The following VEPH1 variants were observed in gnomAD, a reference collection of about 807,000 sequenced individuals.
VEPH1 encodes the protein ventricular zone-expressed PH domain-containing protein homolog 1.
A neutral mutation model predicts 85.2 loss-of-function variants in VEPH1; 80 were observed. The observed-to-expected ratio is 0.94, with a 90% CI of 0.78 to 1.13. The LOEUF is 1.13. VEPH1 is among the 50% of genes most tolerant of loss of function. The pLI, the probability that VEPH1 is intolerant of heterozygous loss-of-function variation, is 0.00. For synonymous variants in VEPH1, 297 were observed against 348.0 expected (o/e 0.85, Z 1.63); for missense variants, 955 against 980.5 (o/e 0.97, Z 0.35).
At chr3:157,437,543 C>T in intron 4 of VEPH1, 1 of 1,605,720 alleles carries the variant, frequency 6.2e-7, no homozygotes, top group Non-Finnish European at 8.5e-7. Context: ...CAGGAGCACT[C>T]GGAATGGGAC....
At chr3:157,376,557 A>C (rs1328264687) in intron 7 of VEPH1, among the ~76,000 whole-genome samples, 1 of 152,252 alleles carries the variant, frequency 6.6e-6, no homozygotes, top group Non-Finnish European at 1.5e-5. Flanking sequence ...TAATTTAAAA[A>C]ATATAAATGC....
chr3:157,272,375 TTTTCTTTCTTTCTTTCTTTC>T (rs758495924), intron 12 of VEPH1, among the ~76,000 whole-genome samples: 117 of 95,030 alleles, frequency 1.2e-3, no homozygotes, highest in Middle Eastern at 9.5e-3. Context: ...TTTCTCTTTC[TTTTCTTTCTTTCTTTCTTTC>T]TTTCTTTCTT....
chr3:157,405,359 C>A (rs576823903), intron 6 of VEPH1, among the ~76,000 whole-genome samples: 1 of 152,248 alleles, frequency 6.6e-6, no homozygotes, highest in African/African-American at 2.4e-5. Flanking sequence ...TGTCCTTTCG[C>A]CAGCTCTTTA....
intron 11 of VEPH1, among the ~76,000 whole-genome samples, chr3:157,310,779 A>C (rs1306993508): frequency 6.6e-6 from 1 of 151,952 alleles, no homozygotes; most frequent in Non-Finnish European, 1.5e-5. Flanking sequence ...ATTGCAGAGA[A>C]TAGTACACTG....
rs113618865 is a variant in VEPH1 at position 157,260,475 on chromosome 3, A to C, written c.*659T>G. 7 of 152,188 alleles carry C rather than the reference A, an allele frequency of 4.6e-5. No individual in the cohort carries two copies. Among genetic ancestry groups the C allele is most frequent in the African/African-American group, 1.4e-4 (6 of 41,454 alleles). 9.4% of individuals were successfully genotyped at this position (152,188 alleles called of 1,614,324 possible). On this transcript the variant is annotated 3_prime_UTR_variant, in exon 14 of 14. Coordinates refer to ENST00000362010, the MANE Select transcript of VEPH1 (RefSeq NM_001167912.2). Reference sequence around the variant, plus strand: ...GTGCCTTGGGCAGGATATATGTCCAAGTATCTAAACTGTAGATTATATTAT... The same window carrying C: ...GTGCCTTGGGCAGGATATATGTCCACGTATCTAAACTGTAGATTATATTAT...
chr3:157,375,673 C>A (rs1728010912), intron 7 of VEPH1, among the ~76,000 whole-genome samples: 3 of 152,166 alleles, frequency 2.0e-5, no homozygotes, highest in Non-Finnish European at 4.4e-5. Context: ...CATTCTCCTG[C>A]ATGTGCTATT....
chr3:157,278,250 T>A (rs183500882), intron 12 of VEPH1, among the ~76,000 whole-genome samples: 8 of 152,276 alleles, frequency 5.3e-5, no homozygotes, highest in Admixed American at 4.6e-4. Flanking sequence ...AAGCTGTGAA[T>A]TTGATTTGTA....
intron 4 of VEPH1, among the ~76,000 whole-genome samples, chr3:157,449,721 C>T (rs1734814896): frequency 6.6e-6 from 1 of 152,018 alleles, no homozygotes; most frequent in South Asian, 2.1e-4. Flanking sequence ...TCATGGAAAC[C>T]TCTGTTGCTA....
intron 11 of VEPH1, 55 bp downstream of exon 11, chr3:157,313,566 T>G: frequency 6.3e-7 from 1 of 1,575,280 alleles, no homozygotes; most frequent in Non-Finnish European, 8.6e-7. Context: ...GGGAAACTGT[T>G]TCAAGACAAT....
intron 11 of VEPH1, among the ~76,000 whole-genome samples, chr3:157,313,254 G>A (rs1720340711): frequency 6.6e-6 from 1 of 151,786 alleles, no homozygotes; most frequent in Non-Finnish European, 1.5e-5. Context: ...GGCTAATCTG[G>A]AACTACTGGC....
chr3:157,481,467 A>ACACACACACACACACACACACAC, intron 2 of VEPH1, among the ~76,000 whole-genome samples: 1 of 53,542 alleles, frequency 1.9e-5, no homozygotes, highest in African/African-American at 7.1e-5. Context: ...CACACACACA[A>ACACACACACACACACACACACAC]AAAAAAAAAA....
Position 157,272,371 on chromosome 3 carries a change from TTTC to T in VEPH1, c.2129-6712_2129-6710del, listed in dbSNP as rs1175437029. On this transcript the variant is annotated intron_variant, in intron 12 of 13. Coordinates refer to ENST00000362010, the MANE Select transcript of VEPH1 (RefSeq NM_001167912.2). ...TTTTCTCTCTCTTTCTTTCTTTCTC[TTTC>T]TTTTCTTTCTTTCTTTCTTTCTTTC... is the stretch of plus-strand genomic sequence containing the variant. Among the ~76,000 whole-genome samples, 3 of 117,078 alleles carry T rather than the reference TTTC, an allele frequency of 2.6e-5. No individual in the cohort carries two copies. In the South Asian group the frequency reaches 8.7e-4, roughly 34 times the overall value. 76.8% of individuals were successfully genotyped at this position (117,078 alleles called of 152,430 possible). A position where few individuals can be genotyped will look rare whatever the true frequency, so the allele number is the denominator to read the frequency against.
In VEPH1 at chr3:157,286,355, TCTCTGC is replaced by T. The variant is rs1327486774; in HGVS notation, c.2128+196_2128+201del. 6.6e-5 allele frequency: 40 copies of T among 608,130 alleles called. No individual in the cohort carries two copies. In the East Asian group the frequency reaches 1.1e-3, roughly 16 times the overall value. 37.7% of individuals were successfully genotyped at this position (608,130 alleles called of 1,614,324 possible). A position where few individuals can be genotyped will look rare whatever the true frequency, so the allele number is the denominator to read the frequency against. On this transcript the variant is annotated intron_variant, in intron 12 of 13. Coordinates refer to ENST00000362010, the MANE Select transcript of VEPH1 (RefSeq NM_001167912.2). The stretch of plus-strand genomic sequence containing the variant: ...AACCACATATAGGTAAGGGATTGTT[TCTCTGC>T]CTCCCAAAGTTTTCCCTTTTTCCTA...
chr3:157,371,044 C>A (rs1727428083), intron 7 of VEPH1, among the ~76,000 whole-genome samples: 1 of 152,168 alleles, frequency 6.6e-6, no homozygotes, highest in African/African-American at 2.4e-5. Flanking sequence ...CATGGTAAAA[C>A]CCTGAGTGGC....
At chr3:157,381,837 T>A (rs1728819568) in intron 6 of VEPH1, among the ~76,000 whole-genome samples, 1 of 152,234 alleles carries the variant, frequency 6.6e-6, no homozygotes, top group Admixed American at 6.5e-5. Context: ...GTTTCATTCA[T>A]AGTTCCTCTG....
chr3:157,424,816 A>G (rs1732629559), intron 5 of VEPH1, among the ~76,000 whole-genome samples: 2 of 152,266 alleles, frequency 1.3e-5, no homozygotes, highest in South Asian at 4.1e-4. Flanking sequence ...GAAGCAGAGC[A>G]TAAAAGTTTG....
chr3:157,318,881 A>G (rs570639877), intron 9 of VEPH1, among the ~76,000 whole-genome samples: 1 of 152,290 alleles, frequency 6.6e-6, no homozygotes, highest in South Asian at 2.1e-4. Flanking sequence ...CCACGTCTCT[A>G]AAAGCAAACA....
intron 2 of VEPH1, among the ~76,000 whole-genome samples, chr3:157,481,484 A>T (rs1190556527): frequency 2.9e-4 from 43 of 147,832 alleles, no homozygotes; most frequent in African/African-American, 1.0e-3. Flanking sequence ...AAAAAAAAAA[A>T]AACAATCCTA....
intron 9 of VEPH1, among the ~76,000 whole-genome samples, chr3:157,335,649 G>C (rs1363792001): frequency 6.6e-6 from 1 of 152,172 alleles, no homozygotes; most frequent in Non-Finnish European, 1.5e-5. Flanking sequence ...ATAGTGTCTA[G>C]TGTGGGACAG....
Sources: gnomAD v4.1 joint callset for allele counts (sites outside exome capture counted in the v4.1 genomes callset) on GRCh38, gnomAD v4.1.1 for gene constraint, MANE v1.5 for transcripts, NCBI Gene and HGNC (gene_info 2026-07-23, HGNC 2026-07-21) for gene names.